BTBD10: variants seen among roughly 807,000 people sequenced by gnomAD.
BTBD10 encodes BTB domain containing 10, also known as BTB/POZ domain-containing protein 10.
In BTBD10, 21 loss-of-function variants were observed where a neutral mutation model predicts 53.2. The ratio of observed to expected loss-of-function variants is 0.39; its 90% CI spans 0.28 to 0.57. The LOEUF (loss-of-function observed/expected upper bound fraction) is 0.57, where lower values mean the gene tolerates loss of function less well. Among genes scored for constraint, BTBD10 ranks in the 20% least tolerant of loss-of-function variants. The probability of loss-of-function intolerance (pLI) is 0.53; values close to 1 mark genes in which losing one functional copy is unlikely to be tolerated. For missense variants in BTBD10, 360 were observed against 594.7 expected, an observed-to-expected ratio of 0.61 and a Z score of 4.10; for synonymous variants, 149 against 192.7, an observed-to-expected ratio of 0.77 and a Z score of 1.88.
chr11:13,428,016 T>A (rs1331164149), intron 2 of BTBD10, among the ~76,000 whole-genome samples: 1 of 152,048 alleles, frequency 6.6e-6, no homozygotes, highest in African/African-American at 2.4e-5. Context: ...ATTAAATTCC[T>A]ACATTAGAAA....
chr11:13,402,211 T>C (rs1027425059), intron 8 of BTBD10, among the ~76,000 whole-genome samples: 21 of 152,212 alleles, frequency 1.4e-4, no homozygotes, highest in African/African-American at 4.3e-4. Flanking sequence ...TGTTTCTGGT[T>C]ATTCTTCCTA....
intron 5 of BTBD10, among the ~76,000 whole-genome samples, chr11:13,414,465 C>T (rs1950044073): frequency 6.6e-6 from 1 of 152,188 alleles, no homozygotes; most frequent in East Asian, 1.9e-4. Flanking sequence ...ACCAGCCTGG[C>T]TAACACGGTG....
intron 6 of BTBD10, among the ~76,000 whole-genome samples, chr11:13,407,062 C>A (rs181944453): frequency 6.6e-6 from 1 of 152,042 alleles, no homozygotes; most frequent in East Asian, 1.9e-4. Flanking sequence ...TGGTCCTGAT[C>A]TTATTTGACC....
intron 1 of BTBD10, among the ~76,000 whole-genome samples, chr11:13,459,215 C>G (rs1477158141): frequency 6.6e-6 from 1 of 151,226 alleles, no homozygotes; most frequent in Non-Finnish European, 1.5e-5. Flanking sequence ...CGCCACTACG[C>G]CCGGCTAATT....
At chr11:13,391,836 C>T (rs11022787) in intron 8 of BTBD10, among the ~76,000 whole-genome samples, 44,932 of 152,070 alleles carry the variant, frequency 0.3, 6,988 homozygotes, top group East Asian at 0.57. Context: ...CCCAGCTACT[C>T]GGGAGGCTGA....
chr11:13,442,501 A>G (rs1049125992), intron 2 of BTBD10, among the ~76,000 whole-genome samples: 4 of 152,134 alleles, frequency 2.6e-5, no homozygotes, highest in African/African-American at 7.2e-5. Flanking sequence ...CAATAATACT[A>G]TCCACAGAGC....
intron 6 of BTBD10, among the ~76,000 whole-genome samples, chr11:13,408,480 T>G (rs535100051): frequency 1.3e-5 from 2 of 152,348 alleles, no homozygotes; most frequent in Non-Finnish European, 2.9e-5. Context: ...ATCCATATAC[T>G]GATGACTCCC....
At chr11:13,411,982 C>T (rs1175990090) in intron 6 of BTBD10, among the ~76,000 whole-genome samples, 1 of 152,084 alleles carries the variant, frequency 6.6e-6, no homozygotes, top group Admixed American at 6.5e-5. Flanking sequence ...CAGGCATGCA[C>T]CACCACGCCT....
intron 1 of BTBD10, among the ~76,000 whole-genome samples, chr11:13,456,402 G>A (rs528347505): frequency 5.6e-4 from 85 of 152,184 alleles, no homozygotes; most frequent in African/African-American, 1.9e-3. Context: ...AACTGAATTC[G>A]TACCTCATAC....
intron 2 of BTBD10, among the ~76,000 whole-genome samples, chr11:13,430,435 A>G (rs570147125): frequency 6.6e-6 from 1 of 152,338 alleles, no homozygotes; most frequent in African/African-American, 2.4e-5. Context: ...GGAAAATGGT[A>G]CAACCATTTT....
chr11:13,408,798 A>G (rs1949880177), intron 6 of BTBD10, among the ~76,000 whole-genome samples: 1 of 152,092 alleles, frequency 6.6e-6, no homozygotes, highest in Non-Finnish European at 1.5e-5. Context: ...AGCCCCTACC[A>G]TCTCATACCT....
At chr11:13,420,241 G>A (rs1591128664) in intron 3 of BTBD10, among the ~76,000 whole-genome samples, 1 of 151,468 alleles carries the variant, frequency 6.6e-6, no homozygotes, top group African/African-American at 2.4e-5. Flanking sequence ...TCTAAAACCA[G>A]CAATTTATCT....
intron 2 of BTBD10, among the ~76,000 whole-genome samples, chr11:13,425,228 G>C (rs1316548648): frequency 1.3e-5 from 2 of 152,184 alleles, no homozygotes; most frequent in African/African-American, 2.4e-5. Context: ...ACTGGGAAGA[G>C]AATTAGAAGG....
At chr11:13,396,730 A>G (rs1319303651) in intron 8 of BTBD10, among the ~76,000 whole-genome samples, 1 of 152,142 alleles carries the variant, frequency 6.6e-6, no homozygotes, top group African/African-American at 2.4e-5. Context: ...TATCTAATTT[A>G]TTGAGAGTTT....
intron 6 of BTBD10, among the ~76,000 whole-genome samples, chr11:13,408,030 G>A (rs1002833045): frequency 1.3e-5 from 2 of 152,064 alleles, no homozygotes; most frequent in African/African-American, 4.8e-5. Context: ...AGCCACCCCA[G>A]CCCATCAATT....
At chr11:13,451,307 C>T (rs1950854434) in intron 1 of BTBD10, among the ~76,000 whole-genome samples, 7 of 152,100 alleles carry the variant, frequency 4.6e-5, no homozygotes, top group Admixed American at 4.6e-4. Context: ...CTGTATACAC[C>T]TCCAGCAGCA....
intron 2 of BTBD10, among the ~76,000 whole-genome samples, chr11:13,440,658 C>T (rs1221300257): frequency 1.3e-5 from 2 of 152,282 alleles, no homozygotes; most frequent in Non-Finnish European, 1.5e-5. Flanking sequence ...AATGTTCAGA[C>T]TTTATGCAGT....
At chr11:13,411,901 G>A (rs978592526) in intron 6 of BTBD10, among the ~76,000 whole-genome samples, 1 of 150,570 alleles carries the variant, frequency 6.6e-6, no homozygotes, top group Non-Finnish European at 1.5e-5. Flanking sequence ...GCGCAATCTC[G>A]GCTCACCACA....
chr11:13,401,494 G>A (rs908855566), intron 8 of BTBD10, among the ~76,000 whole-genome samples: 24 of 152,070 alleles, frequency 1.6e-4, no homozygotes, highest in African/African-American at 5.3e-4. Context: ...TTATTCTAAC[G>A]AATAATTTCA....
Sources: allele counts gnomAD v4.1 joint callset (sites outside exome capture counted in the v4.1 genomes callset), GRCh38; gene constraint gnomAD v4.1.1; transcripts MANE v1.5; gene names NCBI Gene and HGNC (gene_info 2026-07-23, HGNC 2026-07-21).